Variants in PCDHGA2 observed in about 807,000 individuals in gnomAD.
PCDHGA2 encodes protocadherin gamma-A2.
In PCDHGA2, 40 loss-of-function variants were observed where a neutral mutation model predicts 59.2. That is an observed-to-expected ratio of 0.68 (90% CI 0.52 to 0.88). The LOEUF (loss-of-function observed/expected upper bound fraction) is 0.88, where lower values mean the gene tolerates loss of function less well. PCDHGA2 is among the 40% of genes least tolerant of loss of function. The pLI, the probability that PCDHGA2 is intolerant of heterozygous loss-of-function variation, is 0.00. For missense variants in PCDHGA2, 1,226 were observed against 1,204.0 expected, an observed-to-expected ratio of 1.02 and a Z score of -0.27; for synonymous variants, 560 against 526.0, an observed-to-expected ratio of 1.06 and a Z score of -0.89.
intron 1 of PCDHGA2, chr5:141,394,322 G>A (rs1438978424): frequency 1.9e-6 from 3 of 1,613,842 alleles, no homozygotes; most frequent in African/African-American, 1.3e-5. Flanking sequence ...CCCTGTCCTC[G>A]TATATCTCCA....
At chr5:141,370,501 C>G in intron 1 of PCDHGA2, 1 of 1,613,952 alleles carries the variant, frequency 6.2e-7, no homozygotes, top group South Asian at 1.1e-5. Flanking sequence ...ATCCGCTACG[C>G]TATTCCCGAG....
chr5:141,350,455 G>T (rs1039998570), intron 1 of PCDHGA2: 2 of 1,613,218 alleles, frequency 1.2e-6, no homozygotes, highest in Non-Finnish European at 1.7e-6. Context: ...GAAAACTGCG[G>T]GTTAGTGCAG....
At position 141,485,929 on chromosome 5, in the gene PCDHGA2, G is replaced by A; in HGVS notation, c.2425-8878G>A. 1 of 1,614,150 alleles carries A rather than the reference G, an allele frequency of 6.2e-7. No homozygotes were observed. The highest frequency in any genetic ancestry group is 8.5e-7 in the Non-Finnish European group (1 of 1,180,036). ...AATCCAGCTACAGGATTAGTGTGTT[G>A]GAGAGCGCACCAGCGGGCATGGTGC... On this transcript the variant is annotated intron_variant, in intron 1 of 3. Coordinates refer to ENST00000394576, the MANE Select transcript of PCDHGA2 (RefSeq NM_018915.4). This position sits in a 1 kb window ranked among gnomAD's most constrained non-coding sequence, Gnocchi z 5.7.
chr5:141,409,669 C>A, intron 1 of PCDHGA2: 1 of 1,613,528 alleles, frequency 6.2e-7, no homozygotes, highest in Non-Finnish European at 8.5e-7. Context: ...ACATCTCCTA[C>A]TCTATAGTGG....
At chr5:141,388,574 T>A (rs372294800) in intron 1 of PCDHGA2, 107 of 1,613,842 alleles carry the variant, frequency 6.6e-5, no homozygotes, top group Middle Eastern at 1.6e-4. Context: ...AGATACACGT[T>A]CTAGTGACTG....
intron 1 of PCDHGA2, among the ~76,000 whole-genome samples, chr5:141,359,329 C>T (rs1425381791): frequency 6.6e-6 from 1 of 151,992 alleles, no homozygotes; most frequent in Middle Eastern, 3.4e-3. Context: ...GGAATATATT[C>T]CAGAATGAGA....
At chr5:141,393,303 G>C in intron 1 of PCDHGA2, 1 of 1,613,764 alleles carries the variant, frequency 6.2e-7, no homozygotes, top group Non-Finnish European at 8.5e-7. Context: ...GGATGTGGGC[G>C]TGAACTCCCT....
Position 141,458,657 on chromosome 5 carries a change from C to T in PCDHGA2, c.2425-36150C>T, listed in dbSNP as rs1214452360. On this transcript the variant is annotated intron_variant, in intron 1 of 3. Coordinates refer to ENST00000394576, the MANE Select transcript of PCDHGA2 (RefSeq NM_018915.4). ...CAATCCCAGCTCACTGCAACCTCCA[C>T]CTCTCGGGTTCAAGCAATTCTACTG... Among the ~76,000 whole-genome samples, 6 of 152,276 alleles carry T rather than the reference C, an allele frequency of 3.9e-5. No homozygotes were observed. In the East Asian group the frequency reaches 9.6e-4, roughly 24 times the overall value.
intron 1 of PCDHGA2, chr5:141,421,975 G>T: frequency 6.2e-7 from 1 of 1,610,052 alleles, no homozygotes; most frequent in African/African-American, 1.3e-5. Context: ...CGTATATCGC[G>T]TGAGTGTTCC....
At chr5:141,347,913 C>T (rs1758037623) in intron 1 of PCDHGA2, among the ~76,000 whole-genome samples, 1 of 152,124 alleles carries the variant, frequency 6.6e-6, no homozygotes, top group Non-Finnish European at 1.5e-5. Context: ...GTGGAAAGCT[C>T]ACCTAGCTAA....
intron 1 of PCDHGA2, among the ~76,000 whole-genome samples, chr5:141,455,913 T>C (rs2098837234): frequency 7.2e-6 from 1 of 138,032 alleles, no homozygotes; most frequent in African/African-American, 2.7e-5. Context: ...ATTTATTTAT[T>C]TTGAGACGGA....
At chr5:141,370,529 G>C in intron 1 of PCDHGA2, 2 of 1,613,942 alleles carry the variant, frequency 1.2e-6, no homozygotes, top group Non-Finnish European at 1.7e-6. Context: ...ACAGGGGCTC[G>C]CTGGTAGGGA....
intron 1 of PCDHGA2, among the ~76,000 whole-genome samples, chr5:141,449,929 T>C (rs2098659723): frequency 6.6e-6 from 1 of 151,912 alleles, no homozygotes; most frequent in Non-Finnish European, 1.5e-5. Context: ...TACCATACCT[T>C]ATAGTATATT....
chr5:141,449,708 AT>A (rs2098652573), intron 1 of PCDHGA2, among the ~76,000 whole-genome samples: 1 of 151,520 alleles, frequency 6.6e-6, no homozygotes. Context: ...CAAACACATT[AT>A]TTTTATATGA....
chr5:141,401,356 G>A (rs1274587222), intron 1 of PCDHGA2, among the ~76,000 whole-genome samples: 1 of 152,070 alleles, frequency 6.6e-6, no homozygotes, highest in Non-Finnish European at 1.5e-5. Flanking sequence ...AAAAAGGAAG[G>A]AGAAGGAGAG....
At chr5:141,365,482 C>T (rs1158935683) in intron 1 of PCDHGA2, 2 of 1,613,836 alleles carry the variant, frequency 1.2e-6, no homozygotes, top group Non-Finnish European at 1.7e-6. Context: ...AGATTGCATG[C>T]TCTATTCCTA....
chr5:141,355,384 C>T (rs570057542), intron 1 of PCDHGA2: 1 of 1,614,008 alleles, frequency 6.2e-7, no homozygotes, highest in East Asian at 2.2e-5. Flanking sequence ...GCTGGCGGAG[C>T]GCGGAGTCCG....
chr5:141,430,380 T>TG (rs1376875091), intron 1 of PCDHGA2, among the ~76,000 whole-genome samples: 2 of 147,890 alleles, frequency 1.4e-5, no homozygotes, highest in African/African-American at 5.0e-5. Context: ...AAAAGCTCAT[T>TG]GGGAAAAAAA....
In PCDHGA2 at chr5:141,489,201, G is replaced by A. The variant is rs757039294; in HGVS notation, c.2425-5606G>A. ...AGCCCTGGGTCTACCTTGGAGACAG[G>A]ACAGCACAGACTTACTCTCCACAAA... On this transcript the variant is annotated intron_variant, in intron 1 of 3. Coordinates refer to ENST00000394576, the MANE Select transcript of PCDHGA2 (RefSeq NM_018915.4). This position sits in a 1 kb window ranked among gnomAD's most constrained non-coding sequence, Gnocchi z 4.5. The A allele has an allele frequency of 7.8e-6, 11 of 1,416,092 alleles. No individual in the cohort carries two copies. In the African/African-American group the frequency reaches 1.3e-4, roughly 17 times the overall value. 87.7% of individuals were successfully genotyped at this position (1,416,092 alleles called of 1,614,324 possible).
Sources: allele counts gnomAD v4.1 joint callset (sites outside exome capture counted in the v4.1 genomes callset), GRCh38; gene constraint gnomAD v4.1.1; non-coding constraint Gnocchi (gnomAD v3.1); transcripts MANE v1.5; gene names NCBI Gene and HGNC (gene_info 2026-07-23, HGNC 2026-07-21).